The following P3H2 variants were observed in gnomAD, a reference collection of about 807,000 sequenced individuals.
The protein encoded by P3H2 is prolyl 3-hydroxylase 2, also known as leprecan-like 1.
In P3H2, 80 loss-of-function variants were observed where a neutral mutation model predicts 87.0. The observed-to-expected ratio is 0.92, with a 90% confidence interval of 0.77 to 1.11. The LOEUF is 1.11. Ranked by LOEUF, P3H2 falls within the 50% of genes least tolerant of loss-of-function variation. The pLI is 0.00. For synonymous variants in P3H2, 367 were observed against 359.3 expected, an observed-to-expected ratio of 1.02 and a Z score of -0.24; for missense variants, 1,001 against 923.9, an observed-to-expected ratio of 1.08 and a Z score of -1.08.
chr3:190,044,223 C>G (rs143110663), intron 1 of P3H2, among the ~76,000 whole-genome samples: 1 of 152,200 alleles, frequency 6.6e-6, no homozygotes, highest in Admixed American at 6.5e-5. Context: ...AATACTTGAG[C>G]ACTTGTCAGG....
At chr3:190,034,135 A>G (rs558702294) in intron 1 of P3H2, among the ~76,000 whole-genome samples, 1 of 152,368 alleles carries the variant, frequency 6.6e-6, no homozygotes, top group Non-Finnish European at 1.5e-5. Context: ...TGATATAAAG[A>G]CATCTAAAAA....
chr3:189,975,676 C>T (rs1382410752), intron 8 of P3H2, among the ~76,000 whole-genome samples: 1 of 152,192 alleles, frequency 6.6e-6, no homozygotes, highest in Non-Finnish European at 1.5e-5. Flanking sequence ...GCCTAAAACA[C>T]TCCAACAGAG....
chr3:190,002,228 A>T (rs1724237801), intron 1 of P3H2, among the ~76,000 whole-genome samples: 1 of 152,140 alleles, frequency 6.6e-6, no homozygotes, highest in Non-Finnish European at 1.5e-5. Context: ...GTTATAAGAA[A>T]AAACAGTTTA....
chr3:190,056,970 G>C (rs1054019644), intron 1 of P3H2, among the ~76,000 whole-genome samples: 1 of 152,142 alleles, frequency 6.6e-6, no homozygotes, highest in South Asian at 2.1e-4. Context: ...TGGAAAATGC[G>C]ACCTCATTCC....
intron 1 of P3H2, among the ~76,000 whole-genome samples, chr3:190,015,290 C>T (rs964292068): frequency 3.9e-5 from 6 of 152,148 alleles, no homozygotes; most frequent in African/African-American, 1.4e-4. Flanking sequence ...AAGATGACTT[C>T]CAGTTTCCTA....
intron 1 of P3H2, among the ~76,000 whole-genome samples, chr3:190,031,278 A>AAAAAT (rs1363812312): frequency 1.3e-5 from 2 of 152,202 alleles, no homozygotes; most frequent in African/African-American, 4.8e-5. Context: ...TAAAATGAAG[A>AAAAAT]AAAATAAGAC....
chr3:190,084,959 A>G (rs34975672), intron 1 of P3H2, among the ~76,000 whole-genome samples: 19,131 of 151,952 alleles, frequency 0.13, 1,416 homozygotes, highest in Non-Finnish European at 0.16. Flanking sequence ...ACAAAAAAAA[A>G]AAAGAAAGAA....
chr3:190,044,271 C>T (rs186396810), intron 1 of P3H2, among the ~76,000 whole-genome samples: 17 of 152,168 alleles, frequency 1.1e-4, no homozygotes, highest in Non-Finnish European at 2.1e-4. Flanking sequence ...TGCCTTCTCA[C>T]CACTCTGCAT....
intron 1 of P3H2, among the ~76,000 whole-genome samples, chr3:190,043,492 G>C (rs78419433): frequency 0.017 from 2,629 of 152,210 alleles, 64 homozygotes; most frequent in African/African-American, 0.059. Context: ...CAGAGTGCAG[G>C]TCACCCGTGA....
In P3H2 at chr3:190,056,593, G is replaced by A. The variant is rs141578896; in HGVS notation, c.481-61151C>T. Among the ~76,000 whole-genome samples the A allele has an allele frequency of 1.8e-3, 277 of 152,286 alleles. 2 individuals are homozygous for A. The highest frequency in any genetic ancestry group is 3.0e-3 in the Admixed American group (46 of 15,298). On this transcript the variant is annotated intron_variant, in intron 1 of 14. Transcript: ENST00000319332. Reference sequence around the variant, plus strand: ...ACAGGGAACGTAATTTCAAGAAGTCGTGATGATAATCTGGATTAATCCATT... The same window carrying A: ...ACAGGGAACGTAATTTCAAGAAGTCATGATGATAATCTGGATTAATCCATT...
At chr3:190,042,483 C>T (rs1725668687) in intron 1 of P3H2, among the ~76,000 whole-genome samples, 2 of 151,924 alleles carry the variant, frequency 1.3e-5, no homozygotes, top group Admixed American at 1.3e-4. Context: ...ATCTATCTCA[C>T]AGGCATATTG....
chr3:190,020,445 T>G (rs1389532509), intron 1 of P3H2, among the ~76,000 whole-genome samples: 1 of 134,856 alleles, frequency 7.4e-6, no homozygotes, highest in Non-Finnish European at 1.7e-5. Flanking sequence ...TAAAGCAGCT[T>G]ACTGGATTCC....
intron 7 of P3H2, among the ~76,000 whole-genome samples, chr3:189,983,703 G>A (rs1339535576): frequency 6.6e-6 from 1 of 152,114 alleles, no homozygotes; most frequent in Non-Finnish European, 1.5e-5. Flanking sequence ...TTGAGTTTTT[G>A]AAGCCTCGTG....
chr3:190,006,804 A>G (rs1409822185), intron 1 of P3H2, among the ~76,000 whole-genome samples: 2 of 152,208 alleles, frequency 1.3e-5, no homozygotes, highest in Non-Finnish European at 2.9e-5. Flanking sequence ...TCTCAGATCT[A>G]TTTATAAGAT....
At chr3:190,026,113 A>T (rs937733132) in intron 1 of P3H2, among the ~76,000 whole-genome samples, 2 of 152,036 alleles carry the variant, frequency 1.3e-5, no homozygotes, top group South Asian at 4.1e-4. Context: ...TCATTTTTTC[A>T]ATGAAATTTA....
chr3:190,050,689 A>G (rs1194123732), intron 1 of P3H2, among the ~76,000 whole-genome samples: 1 of 152,110 alleles, frequency 6.6e-6, no homozygotes, highest in African/African-American at 2.4e-5. Flanking sequence ...AGTCCATTAG[A>G]TTTTATTCGT....
intron 1 of P3H2, among the ~76,000 whole-genome samples, chr3:190,045,897 A>G (rs528430217): frequency 4.1e-4 from 63 of 152,226 alleles, no homozygotes; most frequent in African/African-American, 1.4e-3. Flanking sequence ...CAAGGTGGGC[A>G]GATCACGAGG....
intron 7 of P3H2, 48 bp from the exon 8 acceptor site, chr3:189,983,188 T>A (rs1351110987): frequency 7.2e-7 from 1 of 1,383,952 alleles, no homozygotes; most frequent in South Asian, 1.2e-5. Context: ...TGAATAACGA[T>A]GTTCAAAGGC....
intron 1 of P3H2, among the ~76,000 whole-genome samples, chr3:190,003,508 A>C (rs1193622923): frequency 6.6e-6 from 1 of 152,164 alleles, no homozygotes; most frequent in Non-Finnish European, 1.5e-5. Context: ...AAAAAAAAAA[A>C]AAACTATCTA....
Sources: allele counts gnomAD v4.1 joint callset (sites outside exome capture counted in the v4.1 genomes callset), GRCh38; gene constraint gnomAD v4.1.1; transcripts MANE v1.5; gene names NCBI Gene and HGNC (gene_info 2026-07-23, HGNC 2026-07-21).